The following HS6ST1 variants were observed in gnomAD, a reference collection of about 807,000 sequenced individuals.
The protein encoded by HS6ST1 is heparan sulfate 6-O-sulfotransferase 1, also known as heparan-sulfate 6-O-sulfotransferase 1.
Under a neutral mutation model 25.2 loss-of-function variants are expected in HS6ST1, and 3 were observed. The ratio of observed to expected loss-of-function variants is 0.12; its 90% CI spans 0.05 to 0.31. HS6ST1 has a LOEUF of 0.31. Ranked by LOEUF, HS6ST1 falls within the 10% of genes least tolerant of loss-of-function variation. The pLI, the probability that HS6ST1 is intolerant of heterozygous loss-of-function variation, is 1.00. For synonymous variants in HS6ST1, 204 were observed against 275.1 expected, an observed-to-expected ratio of 0.74 and a Z score of 2.56; for missense variants, 310 against 609.6, an observed-to-expected ratio of 0.51 and a Z score of 5.18.
chr2:128,301,864 G>T (rs1228972629), intron 1 of HS6ST1, among the ~76,000 whole-genome samples: 1 of 152,180 alleles, frequency 6.6e-6, no homozygotes, highest in Non-Finnish European at 1.5e-5. Flanking sequence ...ACTGGCTCAC[G>T]CAGGCATCAC....
At chr2:128,306,265 C>T (rs1694205783) in intron 1 of HS6ST1, among the ~76,000 whole-genome samples, 1 of 152,172 alleles carries the variant, frequency 6.6e-6, no homozygotes, top group Non-Finnish European at 1.5e-5. Context: ...CCCTGGCTTT[C>T]CCTCCATCAA....
intron 1 of HS6ST1, among the ~76,000 whole-genome samples, chr2:128,282,199 A>T (rs1283552592): frequency 1.3e-5 from 2 of 152,266 alleles, no homozygotes; most frequent in Non-Finnish European, 2.9e-5. Context: ...CTTAGAGCAC[A>T]GTGCATCAGT....
At position 128,266,429 on chromosome 2, in the gene HS6ST1, C is replaced by A. The variant is rs1693515093; in HGVS notation, c.*1733G>T. On this transcript the variant is annotated 3_prime_UTR_variant, in exon 2 of 2. Coordinates refer to ENST00000259241, the MANE Select transcript of HS6ST1 (RefSeq NM_004807.3). ...CGGCGCTGGCACGCTGTCCACCCTG[C>A]CCTGTTGACCATCCTGTCCTTGGAC... 6.6e-6 allele frequency: 1 copy of A among 152,220 alleles called. No individual in the cohort carries two copies. 9.4% of individuals were successfully genotyped at this position (152,220 alleles called of 1,614,324 possible). A position where few individuals can be genotyped will look rare whatever the true frequency, so the allele number is the denominator to read the frequency against.
At chr2:128,290,984 TA>T (rs35609892) in intron 1 of HS6ST1, among the ~76,000 whole-genome samples, 12,696 of 149,576 alleles carry the variant, frequency 0.085, 642 homozygotes, top group Non-Finnish European at 0.11. Flanking sequence ...TGTCTCAAAT[TA>T]AAAAAAAAAG....
intron 1 of HS6ST1, among the ~76,000 whole-genome samples, chr2:128,288,679 G>T (rs1348845953): frequency 7.1e-6 from 1 of 141,364 alleles, no homozygotes; most frequent in Non-Finnish European, 1.5e-5. Context: ...GCATGTATTA[G>T]AAAACAAACA....
intron 1 of HS6ST1, among the ~76,000 whole-genome samples, chr2:128,270,975 G>C (rs994335346): frequency 3.9e-5 from 6 of 152,188 alleles, no homozygotes; most frequent in Admixed American, 3.9e-4. Context: ...CAGCGCCCCA[G>C]CCCACAGGCG....
At chr2:128,276,148 G>A (rs1288074004) in intron 1 of HS6ST1, among the ~76,000 whole-genome samples, 1 of 152,168 alleles carries the variant, frequency 6.6e-6, no homozygotes, top group Non-Finnish European at 1.5e-5. Context: ...TATTATTATT[G>A]AGACAGTCTC....
At chr2:128,291,935 G>A (rs1693957907) in intron 1 of HS6ST1, among the ~76,000 whole-genome samples, 1 of 152,202 alleles carries the variant, frequency 6.6e-6, no homozygotes, top group South Asian at 2.1e-4. Context: ...GGGCTGACAG[G>A]CTCCTCTGAA....
At chr2:128,297,412 T>C (rs1232166142) in intron 1 of HS6ST1, among the ~76,000 whole-genome samples, 4 of 152,180 alleles carry the variant, frequency 2.6e-5, no homozygotes. Flanking sequence ...GACCTAAAAC[T>C]GTCAACTCTT....
At chr2:128,314,924 G>A (rs1256306718) in intron 1 of HS6ST1, among the ~76,000 whole-genome samples, 1 of 152,224 alleles carries the variant, frequency 6.6e-6, no homozygotes, top group South Asian at 2.1e-4. Context: ...TTGCCTTCAG[G>A]CAGACGGGAA....
chr2:128,279,707 T>C (rs1693750441), intron 1 of HS6ST1, among the ~76,000 whole-genome samples: 1 of 152,150 alleles, frequency 6.6e-6, no homozygotes, highest in Non-Finnish European at 1.5e-5. Flanking sequence ...GGAGGATCAC[T>C]TGAGCTCAGG....
chr2:128,307,872 G>A (rs1694235896), intron 1 of HS6ST1, among the ~76,000 whole-genome samples: 1 of 152,144 alleles, frequency 6.6e-6, no homozygotes, highest in Non-Finnish European at 1.5e-5. Flanking sequence ...GGCCGCACCT[G>A]GACTGTGATG....
At chr2:128,296,909 G>A (rs986061729) in intron 1 of HS6ST1, among the ~76,000 whole-genome samples, 1 of 152,152 alleles carries the variant, frequency 6.6e-6, no homozygotes, top group African/African-American at 2.4e-5. Context: ...AATAGCTAAA[G>A]TACTTGACAA....
intron 1 of HS6ST1, among the ~76,000 whole-genome samples, chr2:128,310,168 G>A (rs536428354): frequency 1.2e-4 from 19 of 152,308 alleles, no homozygotes; most frequent in African/African-American, 4.1e-4. Context: ...ACAGCCCAGG[G>A]CCTGAGCAGG....
intron 1 of HS6ST1, among the ~76,000 whole-genome samples, chr2:128,274,449 G>A (rs1264957631): frequency 6.6e-6 from 1 of 152,236 alleles, no homozygotes; most frequent in Non-Finnish European, 1.5e-5. Context: ...AGTATGGACA[G>A]TAGAGATGTG....
intron 1 of HS6ST1, chr2:128,290,258 A>G (rs879287640): frequency 5.3e-5 from 8 of 152,176 alleles, no homozygotes; most frequent in Non-Finnish European, 1.2e-4. Context: ...GTGCTGGGCT[A>G]TTTCTACCAA....
intron 1 of HS6ST1, among the ~76,000 whole-genome samples, chr2:128,285,765 C>T (rs890608211): frequency 1.8e-4 from 27 of 152,200 alleles, no homozygotes; most frequent in Admixed American, 1.4e-3. Context: ...CCAGCTGGCT[C>T]GGACAACCAT....
In HS6ST1 at chr2:128,313,865, C is replaced by A. The variant is rs372521167; in HGVS notation, c.527+4172G>T. 8.6e-5 allele frequency among the ~76,000 whole-genome samples: 13 copies of A among 151,898 alleles called. 1 individual carries two copies. Among genetic ancestry groups the A allele is most frequent in the African/African-American group, 3.1e-4 (13 of 41,356 alleles). On this transcript the variant is annotated intron_variant, in intron 1 of 1. Coordinates refer to ENST00000259241, the MANE Select transcript of HS6ST1 (RefSeq NM_004807.3). ...ACCAGAGCAGCATGGCAGAAATGATCCCCCAAGCTAGAGGACCATCTAAAA... is the reference window on the plus strand; with the variant it reads ...ACCAGAGCAGCATGGCAGAAATGATACCCCAAGCTAGAGGACCATCTAAAA...
intron 1 of HS6ST1, among the ~76,000 whole-genome samples, chr2:128,317,045 C>T (rs78385395): frequency 3.3e-5 from 5 of 152,218 alleles, no homozygotes; most frequent in Non-Finnish European, 7.4e-5. Context: ...CTGCTCCTGG[C>T]CCTTCCCAGC....
Sources: allele counts gnomAD v4.1 joint callset (sites outside exome capture counted in the v4.1 genomes callset), GRCh38; gene constraint gnomAD v4.1.1; transcripts MANE v1.5; gene names NCBI Gene and HGNC (gene_info 2026-07-23, HGNC 2026-07-21).